Variants in LPP observed in about 807,000 individuals in gnomAD.
The protein encoded by LPP is lipoma-preferred partner.
Under a neutral mutation model 60.4 loss-of-function variants are expected in LPP, and 38 were observed. That is an observed-to-expected ratio of 0.63 (90% CI 0.49 to 0.83). The LOEUF (loss-of-function observed/expected upper bound fraction) is 0.83, where lower values mean the gene tolerates loss of function less well. Ranked by LOEUF, LPP falls within the 40% of genes least tolerant of loss-of-function variation. The probability of loss-of-function intolerance (pLI) is 0.00; values close to 1 mark genes in which losing one functional copy is unlikely to be tolerated. For missense variants in LPP, 902 were observed against 783.6 expected (o/e 1.15, Z -1.80); for synonymous variants, 328 against 290.8 (o/e 1.13, Z -1.30).
At chr3:188,359,632 T>G (rs1166714825) in intron 3 of LPP, among the ~76,000 whole-genome samples, 1 of 152,182 alleles carries the variant, frequency 6.6e-6, no homozygotes, top group Admixed American at 6.5e-5. Flanking sequence ...AACTACCCAG[T>G]GGAGTCAGGA....
chr3:188,495,200 A>G (rs76360757), intron 5 of LPP, among the ~76,000 whole-genome samples: 3 of 122,130 alleles, frequency 2.5e-5, no homozygotes, highest in African/African-American at 9.2e-5. Flanking sequence ...TATATTTATA[A>G]ATATATATAT....
intron 2 of LPP, among the ~76,000 whole-genome samples, chr3:188,319,255 G>A (rs1168799304): frequency 2.6e-5 from 4 of 152,104 alleles, no homozygotes; most frequent in Non-Finnish European, 5.9e-5. Flanking sequence ...AATAGTCTTT[G>A]AAACATCCAA....
intron 4 of LPP, among the ~76,000 whole-genome samples, chr3:188,459,648 AT>A (rs1798544839): frequency 6.6e-6 from 1 of 152,134 alleles, no homozygotes; most frequent in South Asian, 2.1e-4. Context: ...GTATGGTTTT[AT>A]TTTTTAAAAT....
intron 2 of LPP, among the ~76,000 whole-genome samples, chr3:188,233,416 G>A (rs1050190010): frequency 6.6e-6 from 1 of 152,094 alleles, no homozygotes; most frequent in Non-Finnish European, 1.5e-5. Flanking sequence ...ACCTGCTTTG[G>A]GTCCTTTTTG....
chr3:188,850,039 T>C (rs949447047), intron 9 of LPP, among the ~76,000 whole-genome samples: 5 of 152,262 alleles, frequency 3.3e-5, no homozygotes, highest in African/African-American at 1.2e-4. Flanking sequence ...TATGGATGCC[T>C]GAGCCCCAGC....
At chr3:188,271,911 A>T (rs1451399198) in intron 2 of LPP, among the ~76,000 whole-genome samples, 1 of 152,168 alleles carries the variant, frequency 6.6e-6, no homozygotes, top group African/African-American at 2.4e-5. Context: ...GGCACCCATA[A>T]TAGTCCCTTT....
chr3:188,446,596 C>T (rs1795287238), intron 4 of LPP, among the ~76,000 whole-genome samples: 1 of 152,132 alleles, frequency 6.6e-6, no homozygotes, highest in South Asian at 2.1e-4. Flanking sequence ...CCCCAAATTT[C>T]CTTAATTTTT....
intron 6 of LPP, among the ~76,000 whole-genome samples, chr3:188,531,276 G>A (rs940473135): frequency 5.3e-5 from 8 of 152,134 alleles, no homozygotes; most frequent in Admixed American, 3.3e-4. Context: ...TTCTGAATCA[G>A]TGTTTGTAAA....
In LPP at chr3:188,877,778, T is replaced by C. The variant is rs1425352489; in HGVS notation, c.*3299T>C. ...AATAAATAATCGACTCAAAAATAAGTCATGTGTCCCAGCATAAGGCATCAG... is the reference window on the plus strand; with the variant it reads ...AATAAATAATCGACTCAAAAATAAGCCATGTGTCCCAGCATAAGGCATCAG... On this transcript the variant is annotated 3_prime_UTR_variant, in exon 12 of 12. Transcript: ENST00000617246. 4.7e-6 allele frequency: 1 copy of C among 212,430 alleles called. No homozygotes were observed. Among genetic ancestry groups the C allele is most frequent in the Admixed American group, 5.9e-5 (1 of 17,046 alleles). The allele number at this position is 212,430 out of a possible 1,614,324, so 13.2% of individuals were successfully genotyped here.
In LPP at chr3:188,609,675, C is replaced by G. The variant is rs912177495; in HGVS notation, c.944C>G (p.Pro315Arg). Residue 315 changes from proline to arginine, a missense_variant, in exon 7 of 12, where the codon CCT becomes CGT. Physicochemically the swap from Pro to Arg is moderately radical, Grantham distance 103. Transcript: ENST00000617246. The surrounding 1 kb of genome is among the most constrained non-coding windows in gnomAD (Gnocchi z 6.9). ...PGYGGRNDSDPTYGQQGHPNT... is the reference protein window; with the variant it reads ...PGYGGRNDSDRTYGQQGHPNT... ...TATGGGGGCAGAAATGACTCTGACC[C>G]TACCTATGGTCAACAAGGTCACCCA... The G allele has an allele frequency of 1.2e-6, 2 of 1,614,140 alleles. No homozygotes were observed. The highest frequency in any genetic ancestry group is 1.7e-6 in the Non-Finnish European group (2 of 1,180,012).
At chr3:188,323,336 C>T (rs1456681321) in intron 2 of LPP, among the ~76,000 whole-genome samples, 3 of 152,170 alleles carry the variant, frequency 2.0e-5, no homozygotes, top group African/African-American at 7.2e-5. Flanking sequence ...ATTTTGTACC[C>T]ACTTCCTGGG....
At chr3:188,663,164 CTG>C (rs1393619704) in intron 7 of LPP, among the ~76,000 whole-genome samples, 2 of 152,214 alleles carry the variant, frequency 1.3e-5, no homozygotes, top group African/African-American at 4.8e-5. Flanking sequence ...GAAGGCATCT[CTG>C]TGTGAATGTG....
chr3:188,338,910 T>A (rs1436456225), intron 2 of LPP, among the ~76,000 whole-genome samples: 2 of 152,212 alleles, frequency 1.3e-5, no homozygotes, highest in African/African-American at 4.8e-5. Flanking sequence ...CCATGGTTTG[T>A]GAAAAACCCA....
chr3:188,312,284 C>T (rs1753711273), intron 2 of LPP, among the ~76,000 whole-genome samples: 1 of 152,106 alleles, frequency 6.6e-6, no homozygotes, highest in South Asian at 2.1e-4. Flanking sequence ...TTGAAATGAG[C>T]CGTACCCATT....
chr3:188,203,038 G>GT (rs1731520326), intron 1 of LPP, among the ~76,000 whole-genome samples: 1 of 144,622 alleles, frequency 6.9e-6, no homozygotes, highest in South Asian at 2.1e-4. Context: ...CAATTTATAT[G>GT]TTTTTTATTT....
chr3:188,212,234 C>T (rs1040164295), intron 1 of LPP, among the ~76,000 whole-genome samples: 1 of 152,140 alleles, frequency 6.6e-6, no homozygotes, highest in Non-Finnish European at 1.5e-5. Flanking sequence ...TCAGGTGCAT[C>T]TCCCAAAATA....
intron 7 of LPP, among the ~76,000 whole-genome samples, chr3:188,647,749 G>C (rs1851376201): frequency 6.6e-6 from 1 of 152,208 alleles, no homozygotes; most frequent in Admixed American, 6.5e-5. Flanking sequence ...AAGAGTCACT[G>C]CCGGTCATTT....
intron 3 of LPP, among the ~76,000 whole-genome samples, chr3:188,345,461 C>T (rs1764083673): frequency 6.6e-6 from 1 of 152,098 alleles, no homozygotes. Context: ...TTATAGGAAT[C>T]TGAGAATGAG....
chr3:188,640,686 G>C (rs1580625308), intron 7 of LPP, among the ~76,000 whole-genome samples: 2 of 151,870 alleles, frequency 1.3e-5, no homozygotes, highest in South Asian at 2.1e-4. Flanking sequence ...CATAGCAAGA[G>C]TCTCATTGCC....
Sources: gnomAD v4.1 joint callset for allele counts (sites outside exome capture counted in the v4.1 genomes callset) on GRCh38, gnomAD v4.1.1 for gene constraint, Gnocchi (gnomAD v3.1) non-coding constraint, MANE v1.5 for transcripts, NCBI Gene and HGNC (gene_info 2026-07-23, HGNC 2026-07-21) for gene names.